Variants in SBF1 observed in about 807,000 individuals in gnomAD.
SBF1 encodes SET binding factor 1, also known as myotubularin-related protein 5.
SBF1 carries 65 observed loss-of-function variants against 215.8 expected under a neutral mutation model. The observed-to-expected ratio is 0.30, with a 90% CI of 0.25 to 0.37. SBF1 has a LOEUF of 0.37. Ranked by LOEUF, SBF1 falls within the 10% of genes least tolerant of loss-of-function variation. SBF1 has a pLI of 1.00. For missense variants in SBF1, 2,634 were observed against 2,667.8 expected (o/e 0.99, Z 0.28); for synonymous variants, 1,410 against 1,122.8 (o/e 1.26, Z -5.11).
chr22:50,461,485 G>C (rs1302968004), intron 22 of SBF1, 38 bp downstream of exon 22: 2 of 1,557,270 alleles, frequency 1.3e-6, no homozygotes, highest in African/African-American at 2.7e-5. Context: ...AGACCTGGGG[G>C]AGAGGGGGCG....
intron 28 of SBF1, among the ~76,000 whole-genome samples, chr22:50,458,921 T>G (rs1028121388): frequency 1.3e-5 from 2 of 152,140 alleles, no homozygotes; most frequent in Admixed American, 1.3e-4. Flanking sequence ...ATCTGGGATG[T>G]TTCCAGGCTG....
Position 50,459,270 on chromosome 22 carries a change from G to T in SBF1, c.3811C>A (p.His1271Asn). ...RNTLSGFSSA[H>N]MGSHVPSPRA... is the part of the protein sequence containing the mutation. ...GCACCCTCACCGTGACTGCCCATGTGGGCTGAGGAGAAGCCGCTAAGCGTG... is the reference window on the plus strand; with the variant it reads ...GCACCCTCACCGTGACTGCCCATGTTGGCTGAGGAGAAGCCGCTAAGCGTG... Residue 1271 changes from histidine (H) to asparagine (N), a missense_variant, in exon 28 of 41, where the codon CAC becomes AAC. By Grantham distance (68) the His-to-Asn change is moderately conservative. Transcript: ENST00000380817. The T allele has an allele frequency of 6.2e-7, 1 of 1,605,940 alleles. No homozygotes were observed. The highest frequency in any genetic ancestry group is 1.1e-5 in the South Asian group (1 of 90,874).
At chr22:50,465,654 G>C (rs1206639302) in intron 10 of SBF1, 109 bp downstream of exon 10, 1 of 1,034,406 alleles carries the variant, frequency 9.7e-7, no homozygotes, top group Non-Finnish European at 1.4e-6. Context: ...TCTGCTACTG[G>C]AGCCGGGGCC....
chr22:50,474,728 T>G, intron 1 of SBF1, 58 bp downstream of exon 1: 1 of 1,177,822 alleles, frequency 8.5e-7, no homozygotes, highest in Non-Finnish European at 1.1e-6. Flanking sequence ...ACCCAGCCCC[T>G]GGCCCTCAGC....
At position 50,467,787 on chromosome 22, in the gene SBF1, T is replaced by C; in HGVS notation, c.278A>G (p.Gln93Arg). The change falls in exon 3 of 41, where the codon CAG (glutamine) becomes CGG (arginine). Residue 93 changes from glutamine to arginine, a missense_variant and splice_region_variant. Transcript: ENST00000380817. ...TGTACCCAGAGGCCCCAAGCTGACC[T>C]GTGAAGGCTCCGCTGGCTCCCAGAA... ...LTFWEPAEPS[Q>R]ETTRVEDATE... 6.2e-7 allele frequency: 1 copy of C among 1,613,862 alleles called. No individual in the cohort carries two copies.
At chr22:50,472,467 G>C (rs538701924) in intron 1 of SBF1, among the ~76,000 whole-genome samples, 3 of 152,188 alleles carry the variant, frequency 2.0e-5, no homozygotes, top group Non-Finnish European at 4.4e-5. Context: ...ACTCAGAAGT[G>C]CCTGTTGTGT....
Position 50,462,056 on chromosome 22 carries a change from G to A in SBF1, c.2460C>T (p.Cys820=), listed in dbSNP as rs752069912. The stretch of plus-strand genomic sequence containing the variant: ...AGCGGACCACAGCCCCAGCTACGTC[G>A]CAGGTCTCTGCATCCTCGAAGCCGC... ...TESGFEDAET[C]DVAGAVVRFI... Residue 820 remains cysteine (C), a synonymous_variant, in exon 20 of 41, where the codon TGC becomes TGT. Transcript: ENST00000380817. 7.4e-6 allele frequency: 12 copies of A among 1,614,026 alleles called. No homozygotes were observed. Among genetic ancestry groups the A allele is most frequent in the Admixed American group, 1.7e-5 (1 of 60,008 alleles).
chr22:50,452,476 T>C (rs1014208303), intron 36 of SBF1, among the ~76,000 whole-genome samples: 48 of 152,198 alleles, frequency 3.2e-4, no homozygotes, highest in African/African-American at 1.1e-3. Context: ...CCCAGCACTT[T>C]GCAAGGCCAA....
intron 26 of SBF1, 111 bp downstream of exon 26, chr22:50,459,840 CT>C: frequency 1.4e-6 from 2 of 1,416,118 alleles, no homozygotes; most frequent in Non-Finnish European, 2.0e-6. Context: ...TGCCCGGAGT[CT>C]CCCCCTCCAC....
At position 50,472,663 on chromosome 22, in the gene SBF1, C is replaced by G. The variant is rs144768154; in HGVS notation, c.55+2123G>C. Among the ~76,000 whole-genome samples the G allele has an allele frequency of 9.3e-3, 1,409 of 152,306 alleles. 23 individuals are homozygous for G. Among genetic ancestry groups the G allele is most frequent in the African/African-American group, 0.032 (1,341 of 41,556 alleles). On this transcript the variant is annotated intron_variant, in intron 1 of 40. Coordinates refer to ENST00000380817, the MANE Select transcript of SBF1 (RefSeq NM_002972.4). ...AACTGAGGCACAGAGAGCCAAACAA[C>G]TGGCTCGAAGTCACAAGGCTATCAA...
At chr22:50,469,948 G>A (rs534307792) in intron 1 of SBF1, among the ~76,000 whole-genome samples, 8 of 152,284 alleles carry the variant, frequency 5.3e-5, no homozygotes, top group South Asian at 4.1e-4. Flanking sequence ...ATGGTGGGGC[G>A]GTGAGGGGCC....
chr22:50,457,963 G>A (rs2067323958), intron 28 of SBF1, among the ~76,000 whole-genome samples: 1 of 152,216 alleles, frequency 6.6e-6, no homozygotes, highest in South Asian at 2.1e-4. Context: ...CGCAGCACCA[G>A]CCTGCTTTGG....
rs1478289744 is a variant in SBF1, at chr22:50,447,533, T to G, written c.5440A>C (p.Thr1814Pro). Reference protein sequence around the residue: ...WKARWFVLDKTKHQLRYYDHR... With the variant: ...WKARWFVLDKPKHQLRYYDHR... ...ACCTGATCACTCACCTGGTGCTTGGTCTTGTCCAGCACGAACCAGCGGGCC... is the reference window on the plus strand; with the variant it reads ...ACCTGATCACTCACCTGGTGCTTGGGCTTGTCCAGCACGAACCAGCGGGCC... The change falls in exon 39 of 41, where the codon ACC (threonine) becomes CCC (proline). Residue 1814 changes from threonine to proline, a missense_variant. Thr to Pro is a conservative substitution (Grantham distance 38). Transcript: ENST00000380817. The G allele has an allele frequency of 6.4e-7, 1 of 1,561,044 alleles. No individual in the cohort carries two copies. The highest frequency in any genetic ancestry group is 8.7e-7 in the Non-Finnish European group (1 of 1,149,190).
In SBF1 at chr22:50,474,786, C is replaced by G. The variant is rs765666942; in HGVS notation, c.55G>C (p.Gly19Arg). The G allele has an allele frequency of 9.8e-4, 1,429 of 1,462,520 alleles. 1 individual carries two copies. The highest frequency in any genetic ancestry group is 1.2e-3 in the Non-Finnish European group (1,344 of 1,111,596). The allele number at this position is 1,462,520 out of a possible 1,614,324, so 90.6% of individuals were successfully genotyped here. A position where few individuals can be genotyped will look rare whatever the true frequency, so the allele number is the denominator to read the frequency against. The change falls in exon 1 of 41, where the codon GGG becomes CGG. Residue 19 changes from glycine to arginine, a missense_variant and splice_region_variant. By Grantham distance (125) the Gly-to-Arg change is moderately radical. Transcript: ENST00000380817. ...VLVAFGPHPR[G>R]SGEGQGQILQ... The stretch of plus-strand genomic sequence containing the variant: ...CTCAGCGCTTGGCCTCGGCACTCAC[C>G]GCGCGGGTGCGGCCCGAACGCCACC...
rs1238581076 is a variant in SBF1 at position 50,465,779 on chromosome 22, G to C, written c.1073C>G (p.Ser358Cys). Residue 358 changes from serine to cysteine, a missense_variant, in exon 10 of 41, where the codon TCC becomes TGC. By Grantham distance (112) the Ser-to-Cys change is moderately radical (BLOSUM62 -1). Transcript: ENST00000380817. ...LAFPPPTTST[S>C]SLKMQDKELR... ...GACCCCCACCTGCATCTTCAGGGAG[G>C]AGGTGGATGTCGTGGGCGGAGGGAA... The C allele has an allele frequency of 1.2e-6, 2 of 1,608,300 alleles. No homozygotes were observed. The highest frequency in any genetic ancestry group is 1.7e-6 in the Non-Finnish European group (2 of 1,178,108).
Position 50,465,791 on chromosome 22 carries a change from G to C in SBF1, c.1061C>G (p.Thr354Arg), listed in dbSNP as rs749723222. 5 of 1,610,250 alleles carry C rather than the reference G, an allele frequency of 3.1e-6. No individual in the cohort carries two copies. Among genetic ancestry groups the C allele is most frequent in the African/African-American group, 1.3e-5 (1 of 74,986 alleles). ...ELADLAFPPP[T>R]TSTSSLKMQD... Reference sequence around the variant, plus strand: ...CATCTTCAGGGAGGAGGTGGATGTCGTGGGCGGAGGGAAGGCGAGGTCAGC... The same window carrying C: ...CATCTTCAGGGAGGAGGTGGATGTCCTGGGCGGAGGGAAGGCGAGGTCAGC... Residue 354 changes from threonine (T) to arginine (R), a missense_variant, in exon 10 of 41, where the codon ACG becomes AGG. Coordinates refer to ENST00000380817, the MANE Select transcript of SBF1 (RefSeq NM_002972.4).
chr22:50,471,364 G>A lies in SBF1; in HGVS notation c.56-2903C>T, dbSNP rs571263426. On this transcript the variant is annotated intron_variant, in intron 1 of 40. Coordinates refer to ENST00000380817, the MANE Select transcript of SBF1 (RefSeq NM_002972.4). Reference sequence around the variant, plus strand: ...GCGGGCAGGCGAACACAGACCTCGCGTTCTGTCATCTGCTGGCAGCACCCC... The same window carrying A: ...GCGGGCAGGCGAACACAGACCTCGCATTCTGTCATCTGCTGGCAGCACCCC... Among the ~76,000 whole-genome samples, 43 of 152,332 alleles carry A rather than the reference G, an allele frequency of 2.8e-4. 1 individual carries two copies. The highest frequency in any genetic ancestry group is 8.3e-4 in the South Asian group (4 of 4,830).
intron 23 of SBF1, 76 bp from the exon 24 acceptor site, chr22:50,460,788 C>T (rs1227477087): frequency 2.9e-5 from 42 of 1,465,236 alleles, no homozygotes; most frequent in Non-Finnish European, 3.9e-5. Context: ...CTGCCAGGCT[C>T]CCCTTCCCCT....
chr22:50,466,842 A>C (rs1487018654), intron 5 of SBF1, 132 bp from the exon 6 acceptor site: 8 of 636,510 alleles, frequency 1.3e-5, no homozygotes, highest in Non-Finnish European at 2.2e-5. Context: ...GATGGGCAAC[A>C]TGGCAAGAGG....
Sources: gnomAD v4.1 joint callset for allele counts (sites outside exome capture counted in the v4.1 genomes callset) on GRCh38, gnomAD v4.1.1 for gene constraint, MANE v1.5 for transcripts, NCBI Gene and HGNC (gene_info 2026-07-23, HGNC 2026-07-21) for gene names.